The following ENOX1 variants were observed in gnomAD, a reference collection of about 807,000 sequenced individuals.
The protein encoded by ENOX1 is ecto-NOX disulfide-thiol exchanger 1, also known as candidate growth-related and time keeping constitutive hydroquinone (NADH) oxidase.
Under a neutral mutation model 82.5 loss-of-function variants are expected in ENOX1, and 42 were observed. The observed-to-expected ratio is 0.51, with a 90% CI of 0.40 to 0.66. The LOEUF (loss-of-function observed/expected upper bound fraction) is 0.66, where lower values mean the gene tolerates loss of function less well. Ranked by LOEUF, ENOX1 falls within the 30% of genes least tolerant of loss-of-function variation. ENOX1 has a pLI of 0.00. For missense variants in ENOX1, 608 were observed against 811.6 expected (o/e 0.75, Z 3.05); for synonymous variants, 271 against 282.2 (o/e 0.96, Z 0.40).
chr13:43,339,826 A>G (rs530890372), intron 9 of ENOX1, among the ~76,000 whole-genome samples: 3 of 152,340 alleles, frequency 2.0e-5, no homozygotes, highest in Admixed American at 6.5e-5. Flanking sequence ...TTCTAATCTC[A>G]TTCTAAGGGA....
intron 2 of ENOX1, among the ~76,000 whole-genome samples, chr13:43,620,613 T>C (rs2082682413): frequency 6.6e-6 from 1 of 152,216 alleles, no homozygotes; most frequent in Non-Finnish European, 1.5e-5. Flanking sequence ...GACAGAGTGC[T>C]TGATATAATT....
intron 3 of ENOX1, among the ~76,000 whole-genome samples, chr13:43,474,524 G>A (rs2058200897): frequency 6.6e-6 from 1 of 151,942 alleles, no homozygotes; most frequent in Non-Finnish European, 1.5e-5. Flanking sequence ...AACACTTTTG[G>A]GAATAATGCA....
intron 5 of ENOX1, among the ~76,000 whole-genome samples, chr13:43,368,745 C>A (rs1449252136): frequency 6.6e-6 from 1 of 152,182 alleles, no homozygotes; most frequent in Non-Finnish European, 1.5e-5. Flanking sequence ...TTTTGACAAG[C>A]AGGCAATGGA....
intron 9 of ENOX1, among the ~76,000 whole-genome samples, chr13:43,336,281 G>T (rs979158962): frequency 6.6e-6 from 1 of 152,192 alleles, no homozygotes; most frequent in Non-Finnish European, 1.5e-5. Flanking sequence ...GCCTAAAAGG[G>T]GGATCACAGT....
intron 2 of ENOX1, among the ~76,000 whole-genome samples, chr13:43,665,519 T>C (rs2084934566): frequency 6.6e-6 from 1 of 152,116 alleles, no homozygotes; most frequent in South Asian, 2.1e-4. Context: ...TTAAATTTAA[T>C]AAGTGCAAAG....
At chr13:43,473,733 C>T (rs947829510) in intron 3 of ENOX1, among the ~76,000 whole-genome samples, 24 of 152,126 alleles carry the variant, frequency 1.6e-4, no homozygotes, top group Admixed American at 9.8e-4. Flanking sequence ...TGGCAATCTC[C>T]CTTCCTAGTC....
intron 5 of ENOX1, among the ~76,000 whole-genome samples, chr13:43,368,238 A>G (rs1255989471): frequency 6.6e-6 from 1 of 152,212 alleles, no homozygotes; most frequent in Admixed American, 6.5e-5. Context: ...ACTTCATTCC[A>G]TCAATAAAAC....
chr13:43,594,163 T>G (rs1037574531), intron 2 of ENOX1, among the ~76,000 whole-genome samples: 2 of 152,222 alleles, frequency 1.3e-5, no homozygotes, highest in Non-Finnish European at 2.9e-5. Flanking sequence ...CAATTTGGAA[T>G]GCAGTATCCA....
chr13:43,661,197 GT>G (rs2084704767), intron 2 of ENOX1, among the ~76,000 whole-genome samples: 1 of 152,156 alleles, frequency 6.6e-6, no homozygotes, highest in South Asian at 2.1e-4. Flanking sequence ...TGAAATAATT[GT>G]CTTTATAGCA....
chr13:43,571,720 C>G (rs1378045209), intron 2 of ENOX1, among the ~76,000 whole-genome samples: 3 of 151,884 alleles, frequency 2.0e-5, no homozygotes, highest in Non-Finnish European at 4.4e-5. Context: ...AAACAAAAAT[C>G]AAACCTTAAA....
chr13:43,732,749 G>A (rs1030844878), intron 1 of ENOX1, among the ~76,000 whole-genome samples: 1 of 152,202 alleles, frequency 6.6e-6, no homozygotes. Flanking sequence ...AGAGGGCAGA[G>A]CATGGGTTCA....
At chr13:43,438,795 T>C (rs921720372) in intron 3 of ENOX1, among the ~76,000 whole-genome samples, 1 of 152,146 alleles carries the variant, frequency 6.6e-6, no homozygotes, top group African/African-American at 2.4e-5. Context: ...GATTCTGATT[T>C]AGTGGATCTG....
intron 2 of ENOX1, among the ~76,000 whole-genome samples, chr13:43,600,319 T>G (rs1269334026): frequency 6.6e-6 from 1 of 151,784 alleles, no homozygotes; most frequent in Non-Finnish European, 1.5e-5. Context: ...GAAGGGAGAG[T>G]TCTAGGCTGG....
Position 43,678,393 on chromosome 13 carries a change from T to C in ENOX1, c.-284-10849A>G, listed in dbSNP as rs535457444. 2.1e-3 allele frequency among the ~76,000 whole-genome samples: 321 copies of C among 152,334 alleles called. 2 individuals carry two copies. The highest frequency in any genetic ancestry group is 3.6e-3 in the Non-Finnish European group (244 of 68,022). ...GTCTTTATTATGTAACATAGTATCC[T>C]GTAGTTCAATTTTTCTGTGAATTCA... is the stretch of plus-strand genomic sequence containing the variant. On this transcript the variant is annotated intron_variant, in intron 1 of 16. Transcript: ENST00000690772.
Position 43,322,039 on chromosome 13 carries a change from C to T in ENOX1, c.1261+345G>A, listed in dbSNP as rs539147027. Among the ~76,000 whole-genome samples the T allele has an allele frequency of 2.0e-5, 3 of 152,302 alleles. No homozygotes were observed. In the East Asian group the frequency reaches 5.8e-4, roughly 29 times the overall value. On this transcript the variant is annotated intron_variant, in intron 11 of 16. Coordinates refer to ENST00000690772, the MANE Select transcript of ENOX1 (RefSeq NM_001347969.2). ...AAGCTTCTTCAGGGATTAAACAATT[C>T]CCATGTAAGAAGTACACTGACTAAA...
At chr13:43,629,820 G>A (rs982671514) in intron 2 of ENOX1, among the ~76,000 whole-genome samples, 5 of 152,072 alleles carry the variant, frequency 3.3e-5, no homozygotes, top group African/African-American at 4.8e-5. Context: ...TTCTTACAGG[G>A]TAGAAAAGAA....
At chr13:43,626,703 C>A (rs569918544) in intron 2 of ENOX1, among the ~76,000 whole-genome samples, 7 of 151,810 alleles carry the variant, frequency 4.6e-5, no homozygotes, top group Non-Finnish European at 1.0e-4. Flanking sequence ...TAAAATCACT[C>A]AAGCTATTAT....
rs1009398203 is a variant in ENOX1, at chr13:43,214,241, CAG to C, written c.1801-122_1801-121del. 5.2e-6 allele frequency: 5 copies of C among 964,818 alleles called. No individual in the cohort carries two copies. The Admixed American group carries it at 9.2e-5, about 18-fold the overall frequency. The allele number at this position is 964,818 out of a possible 1,614,324, so 59.8% of individuals were successfully genotyped here. On this transcript the variant is annotated intron_variant, in intron 16 of 16. Transcript: ENST00000690772. Reference sequence around the variant, plus strand: ...AGCATTTAGTTTTCTACTGGGCTGTCAGGGGGATGTCCTTATAGAAGGAACAT... The same window carrying C: ...AGCATTTAGTTTTCTACTGGGCTGTCGGGGATGTCCTTATAGAAGGAACAT...
chr13:43,537,639 T>C (rs887136190), intron 2 of ENOX1, among the ~76,000 whole-genome samples: 1 of 152,196 alleles, frequency 6.6e-6, no homozygotes, highest in African/African-American at 2.4e-5. Context: ...ATCAAAATAT[T>C]TCACTGAAAA....
Sources: gnomAD v4.1 joint callset for allele counts (sites outside exome capture counted in the v4.1 genomes callset) on GRCh38, gnomAD v4.1.1 for gene constraint, MANE v1.5 for transcripts, NCBI Gene and HGNC (gene_info 2026-07-23, HGNC 2026-07-21) for gene names.